The following TAF8 variants were observed in gnomAD, a reference collection of about 807,000 sequenced individuals.
The protein encoded by TAF8 is TATA-box binding protein associated factor 8, also known as transcription initiation factor TFIID subunit 8.
A neutral mutation model predicts 36.5 loss-of-function variants in TAF8; 47 were observed. That is an observed-to-expected ratio of 1.29 (90% CI 1.02 to 1.64). The LOEUF (loss-of-function observed/expected upper bound fraction) is 1.64, where lower values mean the gene tolerates loss of function less well. TAF8 is among the 40% of genes most tolerant of loss of function. The pLI is 0.00. For missense variants in TAF8, 420 were observed against 407.6 expected (o/e 1.03, Z -0.26); for synonymous variants, 175 against 159.5 (o/e 1.10, Z -0.73).
intron 7 of TAF8, 83 bp from the exon 8 acceptor site, chr6:42,077,017 A>T (rs1270981942): frequency 2.8e-5 from 41 of 1,477,704 alleles, no homozygotes; most frequent in Non-Finnish European, 3.7e-5. Flanking sequence ...CAATTAGAGG[A>T]TGCTAATGGT....
chr6:42,055,680 C>G, intron 3 of TAF8, 51 bp downstream of exon 3: 1 of 1,393,464 alleles, frequency 7.2e-7, no homozygotes, highest in African/African-American at 1.4e-5. Flanking sequence ...GAGAGGAGTC[C>G]CTAGGAATCA....
At chr6:42,086,824 C>A, downstream of TAF8, 8 of 1,407,632 alleles carry the variant, frequency 5.7e-6, no homozygotes, top group Non-Finnish European at 5.9e-6. Context: ...GAAAGACACA[C>A]ACGGAAGCAA....
At chr6:42,053,516 G>T (rs184724813) in intron 2 of TAF8, among the ~76,000 whole-genome samples, 2 of 147,270 alleles carry the variant, frequency 1.4e-5, no homozygotes, top group Admixed American at 1.4e-4. Flanking sequence ...ATTGAGCCAA[G>T]ATCACACCAT....
Position 42,079,652 on chromosome 6 carries a change from C to A in TAF8, c.*2107C>A. On this transcript the variant is annotated 3_prime_UTR_variant, in exon 9 of 9. Coordinates refer to ENST00000372977, the MANE Select transcript of TAF8 (RefSeq NM_138572.3). ...ACCTCGGCTCACTGCAACCTCCACT[C>A]CCCGGGTTCAAGCAATTCTCAGAGT... 5 of 830,758 alleles carry A rather than the reference C, an allele frequency of 6.0e-6. No individual in the cohort carries two copies. The highest frequency in any genetic ancestry group is 1.1e-4 in the South Asian group (2 of 18,060). The allele number at this position is 830,758 out of a possible 1,614,324, so 51.5% of individuals were successfully genotyped here.
intron 6 of TAF8, 101 bp downstream of exon 6, chr6:42,066,560 C>T (rs1018698193): frequency 4.3e-6 from 6 of 1,396,656 alleles, no homozygotes; most frequent in Non-Finnish European, 4.9e-6. Context: ...AGCTTTTGTC[C>T]TTCCCTTGGG....
At chr6:42,056,796 G>C (rs1185970327) in intron 4 of TAF8, among the ~76,000 whole-genome samples, 1 of 152,154 alleles carries the variant, frequency 6.6e-6, no homozygotes, top group African/African-American at 2.4e-5. Flanking sequence ...AGTAGAGACA[G>C]GGTTTTACCA....
downstream of TAF8, chr6:42,086,741 G>A: frequency 1.9e-6 from 3 of 1,551,170 alleles, no homozygotes; most frequent in Non-Finnish European, 2.6e-6. Context: ...CTAGAGAATT[G>A]TGAGACTTTG....
intron 7 of TAF8, among the ~76,000 whole-genome samples, chr6:42,073,273 C>T (rs1271224266): frequency 1.3e-5 from 2 of 152,190 alleles, no homozygotes; most frequent in African/African-American, 4.8e-5. Flanking sequence ...GAAAAATATA[C>T]CAGTCACTCA....
downstream of TAF8, among the ~76,000 whole-genome samples, chr6:42,085,713 G>A (rs750194404): frequency 7.9e-5 from 12 of 152,210 alleles, no homozygotes; most frequent in Non-Finnish European, 1.5e-4. Flanking sequence ...GGCCAGGCAC[G>A]GTGGCTCACG....
downstream of TAF8, chr6:42,087,057 T>G (rs1215377726): frequency 6.6e-6 from 3 of 457,932 alleles, no homozygotes; most frequent in Non-Finnish European, 1.2e-5. Flanking sequence ...GAGTGCACCA[T>G]GTCTTGTGGC....
chr6:42,070,517 C>A (rs1429550146), intron 7 of TAF8, among the ~76,000 whole-genome samples: 1 of 152,036 alleles, frequency 6.6e-6, no homozygotes. Context: ...AAAATCAGTT[C>A]CTTAACCTCA....
At position 42,079,345 on chromosome 6, in the gene TAF8, C is replaced by T. The variant is rs910616067; in HGVS notation, c.*1800C>T. On this transcript the variant is annotated 3_prime_UTR_variant, in exon 9 of 9. Coordinates refer to ENST00000372977, the MANE Select transcript of TAF8 (RefSeq NM_138572.3). ...ATCCTGTGGGGAGAACAACTTCATT[C>T]TTAACATACCCTACAAACCAGAAAA... The T allele has an allele frequency of 1.0e-6, 1 of 985,310 alleles. No individual in the cohort carries two copies. The highest frequency in any genetic ancestry group is 4.7e-5 in the South Asian group (1 of 21,292). The allele number at this position is 985,310 out of a possible 1,614,324, so 61.0% of individuals were successfully genotyped here.
chr6:42,079,715 ATTTTTTTTTT>A lies in TAF8; in HGVS notation c.*2179_*2188del. 2 of 433,114 alleles carry A rather than the reference ATTTTTTTTTT, an allele frequency of 4.6e-6. No individual in the cohort carries two copies. The highest frequency in any genetic ancestry group is 6.0e-6 in the Non-Finnish European group (2 of 333,076). The allele number at this position is 433,114 out of a possible 1,614,324, so 26.8% of individuals were successfully genotyped here. ...AGATGCCCGCCACCACATCTGGCTA[ATTTTTTTTTT>A]TTTTTTTTAGTAGACACGGGATTTT... On this transcript the variant is annotated 3_prime_UTR_variant, in exon 9 of 9. Transcript: ENST00000372977.
intron 7 of TAF8, among the ~76,000 whole-genome samples, chr6:42,072,762 A>C (rs571352081): frequency 6.6e-6 from 1 of 151,416 alleles, no homozygotes; most frequent in East Asian, 1.9e-4. Context: ...TCGCTCTGTC[A>C]CCCAGGCTGC....
intron 5 of TAF8, among the ~76,000 whole-genome samples, chr6:42,065,665 G>T (rs1429468547): frequency 2.6e-5 from 4 of 152,312 alleles, no homozygotes; most frequent in African/African-American, 4.8e-5. Flanking sequence ...CCCCATCAGG[G>T]CTTCCCTGGG....
chr6:42,087,031 C>T (rs1766040577), downstream of TAF8: 4 of 524,882 alleles, frequency 7.6e-6, no homozygotes, highest in Middle Eastern at 5.3e-4. Flanking sequence ...CTCTCAGAGC[C>T]CTCCCTCGAG....
chr6:42,075,123 C>T (rs1025317332), intron 7 of TAF8, among the ~76,000 whole-genome samples: 1 of 152,154 alleles, frequency 6.6e-6, no homozygotes, highest in Non-Finnish European at 1.5e-5. Context: ...GATAGGCTGT[C>T]TACTGTAGAG....
At chr6:42,055,459 C>T (rs182806514) in intron 2 of TAF8, 72 bp from the exon 3 acceptor site, 2 of 1,059,328 alleles carry the variant, frequency 1.9e-6, no homozygotes, top group Non-Finnish European at 1.5e-6. Context: ...GAATTGTTGG[C>T]TCATCTGGTA....
chr6:42,085,775 A>C (rs1412988370), downstream of TAF8, among the ~76,000 whole-genome samples: 1 of 152,212 alleles, frequency 6.6e-6, no homozygotes, highest in African/African-American at 2.4e-5. Flanking sequence ...ACTTGAGGTC[A>C]GGAGTTCAAG....
Sources: allele counts gnomAD v4.1 joint callset (sites outside exome capture counted in the v4.1 genomes callset), GRCh38; gene constraint gnomAD v4.1.1; transcripts MANE v1.5; gene names NCBI Gene and HGNC (gene_info 2026-07-23, HGNC 2026-07-21).